The following ENTREP2 variants were observed in gnomAD, a reference collection of about 807,000 sequenced individuals.
ENTREP2 encodes protein ENTREP2.
chr15:29,517,299 T>TTATTATATCTTG, the ENTREP2 span, among the ~76,000 whole-genome samples: 1 of 152,266 alleles, frequency 6.6e-6, no homozygotes, highest in Admixed American at 6.5e-5. Context: ...AACTCAACTG[T>TTATTATATCTTG]TAGAATAATT....
chr15:29,436,954 C>T, the ENTREP2 span, among the ~76,000 whole-genome samples: 2 of 152,174 alleles, frequency 1.3e-5, no homozygotes, highest in Non-Finnish European at 2.9e-5. Context: ...ACCTCCTGTC[C>T]AAGAACTCAG....
the ENTREP2 span, among the ~76,000 whole-genome samples, chr15:29,638,571 C>A: frequency 6.6e-6 from 1 of 152,162 alleles, no homozygotes; most frequent in Non-Finnish European, 1.5e-5. Context: ...GAAAGGATTT[C>A]TGTGCAATTA....
chr15:29,486,237 G>C, the ENTREP2 span, among the ~76,000 whole-genome samples: 1 of 152,116 alleles, frequency 6.6e-6, no homozygotes, highest in Non-Finnish European at 1.5e-5. Flanking sequence ...AGGAAATCCT[G>C]CCTTTTTTAA....
At chr15:29,123,725 AGCCTGCTC>A in the ENTREP2 span, 1 of 1,452,862 alleles carries the variant, frequency 6.9e-7, no homozygotes, top group South Asian at 1.4e-5. Context: ...AGCAAAGAAA[AGCCTGCTC>A]GGGAGGAGCC....
the ENTREP2 span, among the ~76,000 whole-genome samples, chr15:29,365,816 C>T: frequency 2.0e-5 from 3 of 152,098 alleles, no homozygotes; most frequent in South Asian, 2.1e-4. Context: ...TGGTATCTTC[C>T]GTACCCTCAC....
At chr15:29,541,926 G>A in the ENTREP2 span, among the ~76,000 whole-genome samples, 3 of 152,182 alleles carry the variant, frequency 2.0e-5, no homozygotes, top group Non-Finnish European at 4.4e-5. Context: ...TATCTTTTAC[G>A]CTTTTCTGAA....
the ENTREP2 span, among the ~76,000 whole-genome samples, chr15:29,462,659 A>C: frequency 6.6e-6 from 1 of 152,186 alleles, no homozygotes; most frequent in Non-Finnish European, 1.5e-5. Flanking sequence ...CAAGATGAAA[A>C]GTGGTGGCCA....
the ENTREP2 span, among the ~76,000 whole-genome samples, chr15:29,301,767 G>A: frequency 6.6e-6 from 1 of 152,172 alleles, no homozygotes; most frequent in Non-Finnish European, 1.5e-5. Flanking sequence ...ATTAAATCAT[G>A]AGGGCGTAAC....
the ENTREP2 span, among the ~76,000 whole-genome samples, chr15:29,206,728 C>T: frequency 3.9e-5 from 6 of 152,042 alleles, no homozygotes; most frequent in South Asian, 4.2e-4. Flanking sequence ...GGGGTGGTGA[C>T]GCACATACGG....
At chr15:29,159,236 G>A in the ENTREP2 span, among the ~76,000 whole-genome samples, 20 of 151,970 alleles carry the variant, frequency 1.3e-4, no homozygotes, top group East Asian at 7.7e-4. Context: ...AGACCTCCGC[G>A]GTGAGTGTTA....
chr15:29,417,016 G>A, the ENTREP2 span, among the ~76,000 whole-genome samples: 1 of 152,156 alleles, frequency 6.6e-6, no homozygotes, highest in East Asian at 1.9e-4. Context: ...AGAGGGTGTG[G>A]AGAAATAGGA....
the ENTREP2 span, among the ~76,000 whole-genome samples, chr15:29,331,738 A>G: frequency 6.6e-6 from 1 of 152,220 alleles, no homozygotes; most frequent in Non-Finnish European, 1.5e-5. Context: ...CCGTCTTCTC[A>G]CCCCAACAAT....
At chr15:29,538,638 CAA>C in the ENTREP2 span, among the ~76,000 whole-genome samples, 30,156 of 79,032 alleles carry the variant, frequency 0.38, 3,731 homozygotes, top group East Asian at 0.47. Flanking sequence ...ACTAAAAATA[CAA>C]AAAAAAAAAA....
chr15:29,244,644 A>G, the ENTREP2 span, among the ~76,000 whole-genome samples: 2 of 152,192 alleles, frequency 1.3e-5, no homozygotes, highest in Non-Finnish European at 2.9e-5. Context: ...GGCCTCCGTG[A>G]AGACAAAAGT....
At chr15:29,449,000 C>A in the ENTREP2 span, among the ~76,000 whole-genome samples, 8,027 of 152,242 alleles carry the variant, frequency 0.053, 298 homozygotes, top group Non-Finnish European at 0.073. Flanking sequence ...TGGGATGGAG[C>A]ACCTCCTTCC....
the ENTREP2 span, among the ~76,000 whole-genome samples, chr15:29,384,445 C>T: frequency 6.6e-6 from 1 of 152,136 alleles, no homozygotes. Context: ...TCCACTCGCT[C>T]TTGTCTCCAC....
the ENTREP2 span, among the ~76,000 whole-genome samples, chr15:29,604,284 A>G: frequency 1.3e-5 from 2 of 152,236 alleles, no homozygotes; most frequent in Admixed American, 1.3e-4. Context: ...TAGACCAAAT[A>G]ACATCCAGTG....
chr15:29,478,117 C>T, the ENTREP2 span, among the ~76,000 whole-genome samples: 10 of 148,272 alleles, frequency 6.7e-5, no homozygotes, highest in South Asian at 2.2e-4. Flanking sequence ...CTCCGCCTCC[C>T]GGGTTCACGC....
the ENTREP2 span, among the ~76,000 whole-genome samples, chr15:29,481,898 A>T: frequency 6.6e-6 from 1 of 152,200 alleles, no homozygotes; most frequent in Non-Finnish European, 1.5e-5. Context: ...TTTGGTTCAC[A>T]GCAAAATGGA....
Sources: gnomAD v4.1 joint callset for allele counts (sites outside exome capture counted in the v4.1 genomes callset) on GRCh38, gnomAD v4.1.1 for gene constraint, MANE v1.5 for transcripts, NCBI Gene and HGNC (gene_info 2026-07-23, HGNC 2026-07-21) for gene names.